Variants in NLRP14 observed in about 807,000 individuals in gnomAD.
NLRP14 encodes NLR family pyrin domain containing 14.
In NLRP14, 105 loss-of-function variants were observed where a neutral mutation model predicts 94.7. The ratio of observed to expected loss-of-function variants is 1.11; its 90% CI spans 0.95 to 1.30. The LOEUF is 1.30. Ranked by LOEUF, NLRP14 falls within the 50% of genes most tolerant of loss-of-function variation. NLRP14 has a pLI of 0.00. For missense variants in NLRP14, 1,362 were observed against 1,254.1 expected (o/e 1.09, Z -1.30); for synonymous variants, 508 against 459.9 (o/e 1.10, Z -1.34).
chr11:7,057,601 C>A, intron 6 of NLRP14, 76 bp from the exon 7 acceptor site: 1 of 1,385,016 alleles, frequency 7.2e-7, no homozygotes, highest in Non-Finnish European at 1.0e-6. Flanking sequence ...AACTTCCTAC[C>A]TTTGGGATCG....
chr11:7,084,453 A>G, the NLRP14 span, among the ~76,000 whole-genome samples: 1 of 152,076 alleles, frequency 6.6e-6, no homozygotes, highest in South Asian at 2.1e-4. Context: ...GAGGTGGAGA[A>G]TTTTCAGCCT....
chr11:7,038,152 T>C (rs1852187794), intron 1 of NLRP14, among the ~76,000 whole-genome samples: 1 of 152,266 alleles, frequency 6.6e-6, no homozygotes. Context: ...GGGATGAGGA[T>C]GGACAGTTAG....
chr11:7,023,482 A>C (rs1364427070), intron 1 of NLRP14, among the ~76,000 whole-genome samples: 1 of 144,696 alleles, frequency 6.9e-6, no homozygotes, highest in Non-Finnish European at 1.5e-5. Flanking sequence ...ACACAAAAAT[A>C]TATAAGTATA....
intron 10 of NLRP14, 84 bp from the exon 11 acceptor site, chr11:7,070,202 C>A: frequency 1.0e-6 from 1 of 962,140 alleles, no homozygotes; most frequent in Non-Finnish European, 1.7e-6. Context: ...GAATTATCCT[C>A]CATTCTGAGT....
chr11:7,025,529 TA>T (rs2119547709), intron 1 of NLRP14, among the ~76,000 whole-genome samples: 1 of 152,196 alleles, frequency 6.6e-6, no homozygotes, highest in Non-Finnish European at 1.5e-5. Flanking sequence ...GTTACATGTA[TA>T]AAGGATGCAA....
chr11:7,089,051 G>A, the NLRP14 span: 1 of 1,539,532 alleles, frequency 6.5e-7, no homozygotes, highest in Non-Finnish European at 8.9e-7. Context: ...CGACGAGCGA[G>A]CTCGAAGGCT....
Position 7,049,838 on chromosome 11 carries a change from G to T in NLRP14, c.2291G>T (p.Arg764Met). The T allele has an allele frequency of 6.2e-7, 1 of 1,611,692 alleles. No homozygotes were observed. Among genetic ancestry groups the T allele is most frequent in the Non-Finnish European group, 8.5e-7 (1 of 1,177,844 alleles). Residue 764 changes from arginine (R) to methionine (M), a missense_variant and splice_region_variant, in exon 6 of 12, where the codon AGG becomes ATG. Physicochemically the swap from Arg to Met is moderately conservative, Grantham distance 91. Coordinates refer to ENST00000299481, the MANE Select transcript of NLRP14 (RefSeq NM_176822.4). ...KHPECKLQTL[R>M]LESCNLTVFC... ...CCAGAGTGTAAACTACAGACTCTCA[G>T]GTAAGCTTTGAATTGTTTTGTCTTG...
At chr11:7,089,218 G>A in the NLRP14 span, 14 of 1,612,974 alleles carry the variant, frequency 8.7e-6, no homozygotes, top group Admixed American at 1.7e-4. Context: ...AAGTATGGCC[G>A]CATCGTCGAG....
At chr11:7,088,985 G>T in the NLRP14 span, 14 of 1,039,752 alleles carry the variant, frequency 1.3e-5, no homozygotes, top group South Asian at 2.1e-4. Flanking sequence ...CGGGGCTCCG[G>T]CTGCGGTTCC....
chr11:7,042,781 G>A lies in NLRP14; in HGVS notation c.755G>A (p.Ser252Asn), dbSNP rs748417534. 8 of 1,614,216 alleles carry A rather than the reference G, an allele frequency of 5.0e-6. No homozygotes were observed. The highest frequency in any genetic ancestry group is 3.3e-5 in the South Asian group (3 of 91,084). The change falls in exon 4 of 12, where the codon AGT (serine) becomes AAT (asparagine). Residue 252 changes from serine (S) to asparagine (N), a missense_variant. Transcript: ENST00000299481. ...ATTGAAGAAATCATGTACCAGCCAA[G>A]TAGCCTCTTGTTTATTATTGACAGT... ...GPIEEIMYQP[S>N]SLLFIIDSFD...
intron 3 of NLRP14, among the ~76,000 whole-genome samples, chr11:7,041,316 G>A (rs1589861116): frequency 6.6e-6 from 1 of 152,214 alleles, no homozygotes; most frequent in East Asian, 1.9e-4. Flanking sequence ...TACATAAAGT[G>A]AGTTTCTCAC....
chr11:7,035,139 AAAATAAAT>A (rs10569142), intron 1 of NLRP14, among the ~76,000 whole-genome samples: 2 of 149,142 alleles, frequency 1.3e-5, no homozygotes, highest in Admixed American at 6.7e-5. Flanking sequence ...TAAAAATCCA[AAAATAAAT>A]AAATAAATAA....
At chr11:7,037,554 T>C (rs962320207) in intron 1 of NLRP14, among the ~76,000 whole-genome samples, 4 of 152,164 alleles carry the variant, frequency 2.6e-5, no homozygotes, top group Non-Finnish European at 5.9e-5. Flanking sequence ...CCAAAACAGA[T>C]TAAGAAAACT....
intron 10 of NLRP14, among the ~76,000 whole-genome samples, chr11:7,069,947 C>T (rs932138052): frequency 2.0e-5 from 3 of 152,096 alleles, no homozygotes; most frequent in Non-Finnish European, 4.4e-5. Context: ...TTTTTAAACA[C>T]TCACTACCAA....
chr11:7,071,495 C>A lies in NLRP14; in HGVS notation c.*187C>A, dbSNP rs1019389807. ...TCTACTTCACACAGTGGTCGAGAGG[C>A]TAAAATAAAATGAAAAGCATAAAAC... On this transcript the variant is annotated 3_prime_UTR_variant, in exon 12 of 12. Transcript: ENST00000299481. Among the ~76,000 whole-genome samples the A allele has an allele frequency of 1.4e-4, 20 of 142,090 alleles. No homozygotes were observed. The highest frequency in any genetic ancestry group is 5.2e-4 in the African/African-American group (20 of 38,722). 93.2% of individuals were successfully genotyped at this position (142,090 alleles called of 152,430 possible).
intron 11 of NLRP14, 141 bp from the exon 12 acceptor site, chr11:7,071,032 C>A: frequency 1.2e-6 from 1 of 863,986 alleles, no homozygotes; most frequent in Non-Finnish European, 1.9e-6. Flanking sequence ...TTCGCTTCCC[C>A]ACTCCTCACC....
At position 7,021,954 on chromosome 11, in the gene NLRP14, GA is replaced by G. The variant is rs1035058538; in HGVS notation, c.-22+1195del. 8.5e-4 allele frequency among the ~76,000 whole-genome samples: 117 copies of G among 137,758 alleles called. 1 individual carries two copies. Among genetic ancestry groups the G allele is most frequent in the Middle Eastern group, 3.7e-3 (1 of 272 alleles). The allele number at this position is 137,758 out of a possible 152,430, so 90.4% of individuals were successfully genotyped here. A position where few individuals can be genotyped will look rare whatever the true frequency, so the allele number is the denominator to read the frequency against. On this transcript the variant is annotated intron_variant, in intron 1 of 11. Coordinates refer to ENST00000299481, the MANE Select transcript of NLRP14 (RefSeq NM_176822.4). ...CTCATTGAACTAACCAAAATTAAAA[GA>G]AAAAAAAAAAGCTAAGAGGATCCAG...
intron 8 of NLRP14, among the ~76,000 whole-genome samples, chr11:7,058,682 C>G (rs749588878): frequency 6.6e-6 from 1 of 151,860 alleles, no homozygotes; most frequent in Non-Finnish European, 1.5e-5. Flanking sequence ...AAATTGACCA[C>G]CCAATTTTGA....
At chr11:7,055,563 C>G (rs565480322) in intron 6 of NLRP14, among the ~76,000 whole-genome samples, 1 of 151,944 alleles carries the variant, frequency 6.6e-6, no homozygotes, top group South Asian at 2.1e-4. Flanking sequence ...GAGGAATAGC[C>G]CCTTTTTCAG....
Sources: allele counts gnomAD v4.1 joint callset (sites outside exome capture counted in the v4.1 genomes callset), GRCh38; gene constraint gnomAD v4.1.1; transcripts MANE v1.5; gene names NCBI Gene and HGNC (gene_info 2026-07-23, HGNC 2026-07-21).